The following ANXA3 variants were observed in gnomAD, a reference collection of about 807,000 sequenced individuals.
The protein encoded by ANXA3 is annexin A3.
In ANXA3, 46 loss-of-function variants were observed where a neutral mutation model predicts 48.8. That is an observed-to-expected ratio of 0.94 (90% confidence interval 0.74 to 1.21). The LOEUF (loss-of-function observed/expected upper bound fraction) is 1.21. Ranked by LOEUF, ANXA3 falls within the 50% of genes most tolerant of loss-of-function variation. The pLI is 0.00. For missense variants in ANXA3, 383 were observed against 378.6 expected (o/e 1.01, Z -0.10); for synonymous variants, 128 against 134.7 (o/e 0.95, Z 0.35).
intron 3 of ANXA3, 144 bp downstream of exon 3, chr4:78,573,411 T>C (rs548294299): frequency 4.5e-5 from 28 of 626,146 alleles, no homozygotes; most frequent in South Asian, 2.5e-4. Context: ...CGAGGAAATA[T>C]ATAGAGAACC....
At chr4:78,602,184 G>A (rs1723557226) in intron 11 of ANXA3, 1 of 146,422 alleles carries the variant, frequency 6.8e-6, no homozygotes, top group East Asian at 2.0e-4. Context: ...AGGTTGCAGT[G>A]AGCCTAGATT....
At chr4:78,584,524 A>G (rs546348283) in intron 5 of ANXA3, among the ~76,000 whole-genome samples, 1 of 152,236 alleles carries the variant, frequency 6.6e-6, no homozygotes, top group South Asian at 2.1e-4. Context: ...TCATCTAACT[A>G]AAAGGCAAAC....
In ANXA3 at chr4:78,579,092, G is replaced by A. The variant is rs770067653; in HGVS notation, c.169G>A (p.Val57Ile). 6 of 1,611,470 alleles carry A rather than the reference G, an allele frequency of 3.7e-6. No homozygotes were observed. The South Asian group carries it at 4.4e-5, about 12-fold the overall frequency. Reference protein sequence around the residue: ...ERSNAQRQLIVKEYQAAYGKE... With the variant: ...ERSNAQRQLIIKEYQAAYGKE... ...GTCAAATGCACAGCGGCAGCTGATT[G>A]TTAAGGAATATCAAGCAGCATATGG... Residue 57 changes from valine to isoleucine, a missense_variant, in exon 4 of 13, where the codon GTT (valine) becomes ATT (isoleucine). Coordinates refer to ENST00000264908, the MANE Select transcript of ANXA3 (RefSeq NM_005139.3).
rs78615658 is a variant in ANXA3 at position 78,557,548 on chromosome 4, A to T, written c.15+3060A>T. 3.3e-5 allele frequency among the ~76,000 whole-genome samples: 5 copies of T among 152,136 alleles called. No individual in the cohort carries two copies. In the East Asian group the frequency reaches 9.6e-4, roughly 29 times the overall value. The stretch of plus-strand genomic sequence containing the variant: ...GGCTAGGAGTATGGCTACATCAGGG[A>T]TGGTAGCATTTGGCATCAGATAGCA... On this transcript the variant is annotated intron_variant, in intron 2 of 12. Coordinates refer to ENST00000264908, the MANE Select transcript of ANXA3 (RefSeq NM_005139.3).
At chr4:78,564,151 A>G (rs766896434) in intron 2 of ANXA3, among the ~76,000 whole-genome samples, 19 of 152,236 alleles carry the variant, frequency 1.2e-4, no homozygotes, top group Non-Finnish European at 2.5e-4. Context: ...TGGGGAGGCC[A>G]AGTGTTTCAA....
chr4:78,570,238 T>C (rs1259246958), intron 2 of ANXA3, among the ~76,000 whole-genome samples: 1 of 152,236 alleles, frequency 6.6e-6, no homozygotes, highest in Non-Finnish European at 1.5e-5. Context: ...TAATTCTTGC[T>C]AAGTACTAAA....
chr4:78,595,681 A>G, intron 8 of ANXA3, 113 bp from the exon 9 acceptor site: 1 of 766,396 alleles, frequency 1.3e-6, no homozygotes, highest in South Asian at 1.8e-5. Context: ...TGAAAGTGAG[A>G]GATTTAGATA....
chr4:78,552,086 G>C (rs193031241), intron 1 of ANXA3: 11 of 152,386 alleles, frequency 7.2e-5, no homozygotes, highest in South Asian at 2.1e-4. Flanking sequence ...GGGCCCACGG[G>C]GGGGAAAGTG....
At chr4:78,594,936 C>T (rs893313214) in intron 7 of ANXA3, among the ~76,000 whole-genome samples, 1 of 152,218 alleles carries the variant, frequency 6.6e-6, no homozygotes, top group East Asian at 1.9e-4. Context: ...GAGTTTGAGA[C>T]CAGCCTGGGC....
At chr4:78,559,432 C>T (rs900154152) in intron 2 of ANXA3, among the ~76,000 whole-genome samples, 2 of 152,178 alleles carry the variant, frequency 1.3e-5, no homozygotes, top group African/African-American at 4.8e-5. Context: ...TCACCATGAA[C>T]TGTTAGTAAC....
At chr4:78,566,218 G>C (rs1722727709) in intron 2 of ANXA3, among the ~76,000 whole-genome samples, 1 of 151,988 alleles carries the variant, frequency 6.6e-6, no homozygotes, top group Non-Finnish European at 1.5e-5. Flanking sequence ...AACATCAATG[G>C]CTTGTTTGTC....
chr4:78,590,304 T>C (rs1192933518), intron 6 of ANXA3, among the ~76,000 whole-genome samples: 3 of 152,212 alleles, frequency 2.0e-5, no homozygotes, highest in Non-Finnish European at 4.4e-5. Flanking sequence ...ACACACTTTT[T>C]TGGTGGATTT....
intron 10 of ANXA3, among the ~76,000 whole-genome samples, chr4:78,599,552 C>T (rs1261968765): frequency 6.6e-6 from 1 of 152,004 alleles, no homozygotes; most frequent in Non-Finnish European, 1.5e-5. Context: ...ATTTCAGAAA[C>T]CTGAAAGACT....
intron 5 of ANXA3, 135 bp from the exon 6 acceptor site, chr4:78,586,125 C>T (rs1476843446): frequency 2.3e-5 from 11 of 470,980 alleles, no homozygotes; most frequent in African/African-American, 6.0e-5. Flanking sequence ...AAATAGAAAA[C>T]GAGAGCAATA....
intron 10 of ANXA3, among the ~76,000 whole-genome samples, chr4:78,599,869 G>A (rs1252961759): frequency 2.0e-5 from 3 of 152,056 alleles, no homozygotes; most frequent in Non-Finnish European, 4.4e-5. Context: ...AGGCTCCAGT[G>A]AGCTATGTTG....
chr4:78,586,134 T>C (rs2109939739), intron 5 of ANXA3, 126 bp from the exon 6 acceptor site: 1 of 539,906 alleles, frequency 1.9e-6, no homozygotes, highest in Non-Finnish European at 3.1e-6. Flanking sequence ...ACGAGAGCAA[T>C]AGAGAACCTT....
chr4:78,574,607 A>C (rs1285318814), intron 3 of ANXA3, among the ~76,000 whole-genome samples: 2 of 152,228 alleles, frequency 1.3e-5, no homozygotes, highest in African/African-American at 2.4e-5. Flanking sequence ...GCATAAAATG[A>C]AATCATACTG....
Position 78,610,060 on chromosome 4 carries a change from A to G in ANXA3, c.917A>G (p.Asp306Gly), listed in dbSNP as rs1160555271. ...GYSLYSAIKS[D>G]TSGDYEITLL... ...CATTGATTTTATTCTTTGCAGTCGG[A>G]TACTTCTGGAGACTATGAAATCACA... The change falls in exon 13 of 13, where the codon GAT becomes GGT. Residue 306 changes from aspartate to glycine, a missense_variant. Asp to Gly is a moderately conservative substitution (Grantham distance 94). Transcript: ENST00000264908. The G allele has an allele frequency of 3.1e-6, 5 of 1,606,442 alleles. No individual in the cohort carries two copies. The highest frequency in any genetic ancestry group is 4.3e-6 in the Non-Finnish European group (5 of 1,174,708).
chr4:78,562,054 A>G (rs545238528), intron 2 of ANXA3, among the ~76,000 whole-genome samples: 14 of 152,318 alleles, frequency 9.2e-5, no homozygotes, highest in Middle Eastern at 3.4e-3. Flanking sequence ...TTTTATATTT[A>G]ATCATGATAA....
Sources: allele counts gnomAD v4.1 joint callset (sites outside exome capture counted in the v4.1 genomes callset), GRCh38; gene constraint gnomAD v4.1.1; transcripts MANE v1.5; gene names NCBI Gene and HGNC (gene_info 2026-07-23, HGNC 2026-07-21).